Variants in UTRN observed in about 807,000 individuals in gnomAD.
UTRN encodes dystrophin-related protein 1.
Under a neutral mutation model 463.9 loss-of-function variants are expected in UTRN, and 283 were observed. That is an observed-to-expected ratio of 0.61 (90% confidence interval 0.55 to 0.67). The LOEUF is 0.67. UTRN is among the 30% of genes least tolerant of loss of function. The probability of loss-of-function intolerance (pLI) is 0.00; values close to 1 mark genes in which losing one functional copy is unlikely to be tolerated. For missense variants in UTRN, 3,922 were observed against 4,084.3 expected, an observed-to-expected ratio of 0.96 and a Z score of 1.08; for synonymous variants, 1,442 against 1,431.5, an observed-to-expected ratio of 1.01 and a Z score of -0.17.
chr6:144,375,931 C>A (rs900229960), intron 2 of UTRN, among the ~76,000 whole-genome samples: 1 of 152,164 alleles, frequency 6.6e-6, no homozygotes, highest in Non-Finnish European at 1.5e-5. Flanking sequence ...TCTTCCCCCC[C>A]ACATAGGGTA....
At chr6:144,530,585 AAAT>A (rs1562531884) in intron 41 of UTRN, among the ~76,000 whole-genome samples, 3 of 152,338 alleles carry the variant, frequency 2.0e-5, no homozygotes, top group Admixed American at 2.0e-4. Flanking sequence ...TTCCCCAAGA[AAAT>A]AATGAATCAT....
intron 2 of UTRN, among the ~76,000 whole-genome samples, chr6:144,294,861 G>A (rs1456265752): frequency 3.3e-5 from 5 of 152,056 alleles, no homozygotes. Context: ...GTTGTCAAGG[G>A]TACGTAATGA....
At chr6:144,627,541 C>G (rs1178660114) in intron 51 of UTRN, among the ~76,000 whole-genome samples, 1 of 142,724 alleles carries the variant, frequency 7.0e-6, no homozygotes, top group African/African-American at 2.4e-5. Flanking sequence ...GCAACTATCA[C>G]CATTAGCCAT....
At chr6:144,511,419 G>A (rs1014659144) in intron 35 of UTRN, among the ~76,000 whole-genome samples, 4 of 151,862 alleles carry the variant, frequency 2.6e-5, no homozygotes, top group South Asian at 2.1e-4. Context: ...TTTGATTTTC[G>A]TACTATCAGA....
rs1333769413 is a variant in UTRN at position 144,717,627 on chromosome 6, C to CTTTTTTTTTTTTTTTTTTTTTTTTTTTTT, written c.7810-12724_7810-12723insTTTTTTTTTTTTTTTTTTTTTTTTTTTTT. On this transcript the variant is annotated intron_variant, in intron 53 of 74. Transcript: ENST00000367545. ...ATTTTTTTCTTTTTCTTTTTCTTTT[C>CTTTTTTTTTTTTTTTTTTTTTTTTTTTTT]TTTTTTCTTTTTTTTTTTTTTTTTT... Among the ~76,000 whole-genome samples the CTTTTTTTTTTTTTTTTTTTTTTTTTTTTT allele has an allele frequency of 2.7e-5, 3 of 112,682 alleles. 1 individual carries two copies. Among genetic ancestry groups the CTTTTTTTTTTTTTTTTTTTTTTTTTTTTT allele is most frequent in the Admixed American group, 2.0e-4 (2 of 10,094 alleles). The allele number at this position is 112,682 out of a possible 152,430, so 73.9% of individuals were successfully genotyped here.
At chr6:144,664,929 C>T (rs1231778334) in intron 51 of UTRN, among the ~76,000 whole-genome samples, 1 of 151,856 alleles carries the variant, frequency 6.6e-6, no homozygotes. Context: ...ACCTAAAGCT[C>T]TGGCAGTAAT....
intron 54 of UTRN, among the ~76,000 whole-genome samples, chr6:144,733,822 C>T (rs1458646145): frequency 2.0e-5 from 3 of 152,164 alleles, no homozygotes; most frequent in Non-Finnish European, 4.4e-5. Context: ...ATGAACTGCT[C>T]AGGTCTCAGC....
intron 23 of UTRN, among the ~76,000 whole-genome samples, chr6:144,471,063 AGGGG>A (rs1790584052): frequency 1.1e-4 from 1 of 8,906 alleles, no homozygotes; most frequent in Non-Finnish European, 2.2e-4. Context: ...GGGGAGAGGG[AGGGG>A]GAGGGGGCGA....
intron 17 of UTRN, among the ~76,000 whole-genome samples, chr6:144,450,183 G>A (rs1788121281): frequency 6.6e-6 from 1 of 152,110 alleles, no homozygotes; most frequent in Non-Finnish European, 1.5e-5. Flanking sequence ...TCTCCTCAGT[G>A]AACACTAAAG....
At chr6:144,632,250 T>C (rs1413714578) in intron 51 of UTRN, among the ~76,000 whole-genome samples, 1 of 152,190 alleles carries the variant, frequency 6.6e-6, no homozygotes, top group African/African-American at 2.4e-5. Context: ...ATTCATATTG[T>C]CTATATTCTG....
chr6:144,380,942 A>G (rs1324912810), intron 2 of UTRN, among the ~76,000 whole-genome samples: 3 of 152,098 alleles, frequency 2.0e-5, no homozygotes, highest in Non-Finnish European at 4.4e-5. Flanking sequence ...AGTGAGCAGA[A>G]GTGAGGCACC....
intron 51 of UTRN, among the ~76,000 whole-genome samples, chr6:144,633,807 G>A (rs1167311707): frequency 6.6e-6 from 1 of 152,118 alleles, no homozygotes; most frequent in Non-Finnish European, 1.5e-5. Flanking sequence ...TTTTAAAATG[G>A]TTTTATTCAA....
intron 73 of UTRN, among the ~76,000 whole-genome samples, chr6:144,841,462 A>G (rs1427969033): frequency 6.6e-6 from 1 of 152,172 alleles, no homozygotes; most frequent in Non-Finnish European, 1.5e-5. Context: ...TTATATAATA[A>G]TTCTTACTTA....
At chr6:144,792,221 A>G (rs938400888) in intron 62 of UTRN, among the ~76,000 whole-genome samples, 1 of 152,292 alleles carries the variant, frequency 6.6e-6, no homozygotes, top group Middle Eastern at 3.4e-3. Flanking sequence ...CACCACTGAC[A>G]GTGTTAGATC....
intron 49 of UTRN, among the ~76,000 whole-genome samples, chr6:144,556,252 C>T (rs150646464): frequency 0.012 from 1,751 of 152,252 alleles, 16 homozygotes; most frequent in Admixed American, 0.016. Context: ...TTATTCTCCA[C>T]AAATGCAGAC....
chr6:144,302,509 C>CAAAAAAAAA (rs57789741), intron 2 of UTRN, among the ~76,000 whole-genome samples: 1 of 139,202 alleles, frequency 7.2e-6, no homozygotes, highest in African/African-American at 3.0e-5. Context: ...GACTCTGTCT[C>CAAAAAAAAA]AAAAAAAAAG....
intron 53 of UTRN, among the ~76,000 whole-genome samples, chr6:144,701,880 A>G (rs1784628242): frequency 6.6e-6 from 1 of 152,182 alleles, no homozygotes; most frequent in South Asian, 2.1e-4. Flanking sequence ...TCGAAGCAGG[A>G]ATATGATAGA....
At chr6:144,643,885 C>T (rs931546840) in intron 51 of UTRN, among the ~76,000 whole-genome samples, 6 of 152,000 alleles carry the variant, frequency 3.9e-5, no homozygotes, top group Non-Finnish European at 7.4e-5. Context: ...AACATGCACA[C>T]GTTTTTTAAA....
chr6:144,619,827 C>T (rs983072010), intron 51 of UTRN, among the ~76,000 whole-genome samples: 1 of 152,094 alleles, frequency 6.6e-6, no homozygotes, highest in Admixed American at 6.6e-5. Flanking sequence ...TGAAATTTTG[C>T]GGATAATGTT....
Sources: gnomAD v4.1 joint callset for allele counts (sites outside exome capture counted in the v4.1 genomes callset) on GRCh38, gnomAD v4.1.1 for gene constraint, MANE v1.5 for transcripts, NCBI Gene and HGNC (gene_info 2026-07-23, HGNC 2026-07-21) for gene names.